CCDC112: variants seen among roughly 807,000 people sequenced by gnomAD.
The protein encoded by CCDC112 is coiled-coil domain-containing protein 112.
Under a neutral mutation model 66.3 loss-of-function variants are expected in CCDC112, and 40 were observed. That is an observed-to-expected ratio of 0.60 (90% CI 0.47 to 0.79). CCDC112 has a LOEUF of 0.79. CCDC112 is among the 30% of genes least tolerant of loss of function. CCDC112 has a pLI of 0.00. For synonymous variants in CCDC112, 214 were observed against 197.2 expected (o/e 1.09, Z -0.71); for missense variants, 659 against 603.8 (o/e 1.09, Z -0.96).
intron 4 of CCDC112, among the ~76,000 whole-genome samples, chr5:115,276,667 C>T (rs1325322475): frequency 6.6e-6 from 1 of 152,058 alleles, no homozygotes; most frequent in Non-Finnish European, 1.5e-5. Context: ...CATAGATTCC[C>T]AATCCTGTAA....
chr5:115,277,132 G>C (rs1749240650), intron 3 of CCDC112, 78 bp from the exon 4 acceptor site: 2 of 786,190 alleles, frequency 2.5e-6, no homozygotes, highest in Non-Finnish European at 4.3e-6. Flanking sequence ...ATGTAAGACT[G>C]ATCACTGTTA....
In CCDC112 at chr5:115,296,599, G is replaced by T; in HGVS notation, c.-56C>A. The T allele has an allele frequency of 7.1e-7, 1 of 1,410,696 alleles. No individual in the cohort carries two copies. The allele number at this position is 1,410,696 out of a possible 1,614,324, so 87.4% of individuals were successfully genotyped here. A position where few individuals can be genotyped will look rare whatever the true frequency, so the allele number is the denominator to read the frequency against. On this transcript the variant is annotated 5_prime_UTR_variant, in exon 1 of 10. Coordinates refer to ENST00000379611, the MANE Select transcript of CCDC112 (RefSeq NM_001040440.3). ...GGCCACCGGTGCCTGGGGATTCGTG[G>T]CAGGCGCACCCTGGCCTCTGCAGAC... is the stretch of plus-strand genomic sequence containing the variant.
chr5:115,280,070 A>T (rs1303058216), intron 2 of CCDC112, among the ~76,000 whole-genome samples: 1 of 152,232 alleles, frequency 6.6e-6, no homozygotes, highest in African/African-American at 2.4e-5. Context: ...TATTGATTCC[A>T]ACTCAATCTC....
At chr5:115,281,025 AT>A (rs61604275) in intron 2 of CCDC112, among the ~76,000 whole-genome samples, 2,859 of 140,190 alleles carry the variant, frequency 0.02, 20 homozygotes, top group Non-Finnish European at 0.028. Flanking sequence ...TACATAGAGA[AT>A]TTTTTTTTTT....
At chr5:115,275,687 CTCTT>C (rs550852369) in intron 5 of CCDC112, 81 bp from the exon 6 acceptor site, 72 of 971,422 alleles carry the variant, frequency 7.4e-5, no homozygotes, top group Non-Finnish European at 9.6e-5. Context: ...AGATACCTGA[CTCTT>C]TATATCATCT....
intron 1 of CCDC112, among the ~76,000 whole-genome samples, chr5:115,291,361 A>G (rs549923378): frequency 6.6e-6 from 1 of 152,170 alleles, no homozygotes; most frequent in South Asian, 2.1e-4. Flanking sequence ...AATCCTTTTC[A>G]TGTTTTTAGA....
Position 115,284,827 on chromosome 5 carries a change from T to C in CCDC112, c.199A>G (p.Lys67Glu), listed in dbSNP as rs1446725994. 6 of 1,611,716 alleles carry C rather than the reference T, an allele frequency of 3.7e-6. No individual in the cohort carries two copies. Among genetic ancestry groups the C allele is most frequent in the Middle Eastern group, 1.7e-4 (1 of 6,056 alleles). The change falls in exon 2 of 10, where the codon AAA becomes GAA. Residue 67 changes from lysine (K) to glutamate (E), a missense_variant. Physicochemically the swap from Lys to Glu is moderately conservative, Grantham distance 56 (BLOSUM62 1). Coordinates refer to ENST00000379611, the MANE Select transcript of CCDC112 (RefSeq NM_001040440.3). ...TCTGCTGTGCGTACAAATTCTGCTT[T>C]CTTAGTCTGATTAACTTTCTGCTTC... ...NWKQKVNQTK[K>E]AEFVRTAEKF...
Position 115,284,774 on chromosome 5 carries a change from T to C in CCDC112, c.239+13A>G. ...CTAGTAATGTTATTTGAAGATTATATTCTTATACTTACTGATTTTTAAATT... is the reference window on the plus strand; with the variant it reads ...CTAGTAATGTTATTTGAAGATTATACTCTTATACTTACTGATTTTTAAATT... On this transcript the variant is annotated intron_variant, in intron 2 of 9. Coordinates refer to ENST00000379611, the MANE Select transcript of CCDC112 (RefSeq NM_001040440.3). The C allele has an allele frequency of 6.3e-7, 1 of 1,582,892 alleles. No homozygotes were observed. The highest frequency in any genetic ancestry group is 1.7e-4 in the Middle Eastern group (1 of 6,000).
intron 1 of CCDC112, among the ~76,000 whole-genome samples, chr5:115,295,039 T>C (rs1230541018): frequency 2.0e-5 from 3 of 152,160 alleles, no homozygotes. Context: ...ATTTTTGTTA[T>C]GGGTGGCTGT....
rs965185540 is a variant in CCDC112 at position 115,276,156 on chromosome 5, C to T, written c.452-87G>A. ...TTAGGAAGAAAAAGTGGAATGTTCT[C>T]CTAATTTTAAAATATTTCTTAGCCT... On this transcript the variant is annotated intron_variant, in intron 4 of 9. Coordinates refer to ENST00000379611, the MANE Select transcript of CCDC112 (RefSeq NM_001040440.3). The T allele has an allele frequency of 6.5e-5, 60 of 919,884 alleles. No individual in the cohort carries two copies. In the African/African-American group the frequency reaches 9.5e-4, roughly 15 times the overall value. 57.0% of individuals were successfully genotyped at this position (919,884 alleles called of 1,614,324 possible). A position where few individuals can be genotyped will look rare whatever the true frequency, so the allele number is the denominator to read the frequency against.
intron 2 of CCDC112, among the ~76,000 whole-genome samples, chr5:115,281,849 A>C (rs1050366402): frequency 1.3e-5 from 2 of 152,222 alleles, no homozygotes; most frequent in African/African-American, 2.4e-5. Context: ...AAAAAATCAC[A>C]AATTTAATAT....
Position 115,296,621 on chromosome 5 carries a change from A to G in CCDC112, c.-78T>C, listed in dbSNP as rs887053258. ...GTGGCAGGCGCACCCTGGCCTCTGC[A>G]GACAGCTCCCTGCGCTGCGGGCTTG... On this transcript the variant is annotated 5_prime_UTR_variant, in exon 1 of 10. Transcript: ENST00000379611. 4 of 1,351,966 alleles carry G rather than the reference A, an allele frequency of 3.0e-6. No homozygotes were observed. Among genetic ancestry groups the G allele is most frequent in the African/African-American group, 3.1e-5 (2 of 64,436 alleles). 83.7% of individuals were successfully genotyped at this position (1,351,966 alleles called of 1,614,324 possible).
chr5:115,267,976 C>T, intron 9 of CCDC112, 58 bp from the exon 10 acceptor site: 3 of 1,356,648 alleles, frequency 2.2e-6, no homozygotes, highest in Non-Finnish European at 3.1e-6. Context: ...AAGAAAAAAA[C>T]CCTATCTGAT....
Position 115,284,836 on chromosome 5 carries a change from G to A in CCDC112, c.190C>T (p.Gln64Ter). 1 of 1,611,604 alleles carries A rather than the reference G, an allele frequency of 6.2e-7. No homozygotes were observed. The highest frequency in any genetic ancestry group is 8.5e-7 in the Non-Finnish European group (1 of 1,177,980). ...CGTACAAATTCTGCTTTCTTAGTCTGATTAACTTTCTGCTTCCAGTTCTGA... is the reference window on the plus strand; with the variant it reads ...CGTACAAATTCTGCTTTCTTAGTCTAATTAACTTTCTGCTTCCAGTTCTGA... ...HLQNWKQKVN[Q>*]TKKAEFVRTA... The change falls in exon 2 of 10, where the codon CAG becomes TAG. Residue 64 changes from glutamine (Q) to a stop codon, truncating the protein, a stop_gained. Coordinates refer to ENST00000379611, the MANE Select transcript of CCDC112 (RefSeq NM_001040440.3). LOFTEE classifies it high-confidence loss of function.
At chr5:115,270,751 T>C (rs1336816294) in intron 7 of CCDC112, among the ~76,000 whole-genome samples, 1 of 152,222 alleles carries the variant, frequency 6.6e-6, no homozygotes, top group Admixed American at 6.5e-5. Context: ...TCATCATCTG[T>C]TGGTTCCCCT....
At chr5:115,296,222 C>A in intron 1 of CCDC112, 1 of 1,280,534 alleles carries the variant, frequency 7.8e-7, no homozygotes, top group Non-Finnish European at 9.9e-7. Flanking sequence ...CCAGGTCTTC[C>A]TCGACTCCGA....
At chr5:115,267,963 A>T in intron 9 of CCDC112, 45 bp from the exon 10 acceptor site, 1 of 1,460,022 alleles carries the variant, frequency 6.8e-7, no homozygotes, top group Non-Finnish European at 9.6e-7. Flanking sequence ...GTAGGAAATT[A>T]AAAAGAAAAA....
intron 6 of CCDC112, among the ~76,000 whole-genome samples, chr5:115,274,037 G>C (rs1027911243): frequency 1.3e-5 from 2 of 151,848 alleles, no homozygotes; most frequent in Non-Finnish European, 2.9e-5. Flanking sequence ...TATTCCTTGG[G>C]TATACCATCT....
Position 115,267,863 on chromosome 5 carries a change from C to T in CCDC112, c.*13G>A, listed in dbSNP as rs1201470349. ...GTTAACATTCTTATCAACTGAGTAG[C>T]AATTTGATTATCTCATACTCTTCTC... On this transcript the variant is annotated 3_prime_UTR_variant, in exon 10 of 10. Coordinates refer to ENST00000379611, the MANE Select transcript of CCDC112 (RefSeq NM_001040440.3). 2 of 1,603,624 alleles carry T rather than the reference C, an allele frequency of 1.2e-6. No homozygotes were observed. Among genetic ancestry groups the T allele is most frequent in the Non-Finnish European group, 1.7e-6 (2 of 1,170,706 alleles).
Sources: gnomAD v4.1 joint callset for allele counts (sites outside exome capture counted in the v4.1 genomes callset) on GRCh38, gnomAD v4.1.1 for gene constraint, MANE v1.5 for transcripts, NCBI Gene and HGNC (gene_info 2026-07-23, HGNC 2026-07-21) for gene names.